Variants in DCC observed in about 807,000 individuals in gnomAD.
DCC encodes DCC netrin 1 receptor.
DCC carries 58 observed loss-of-function variants against 172.5 expected under a neutral mutation model. That is an observed-to-expected ratio of 0.34 (90% CI 0.27 to 0.42). The LOEUF (loss-of-function observed/expected upper bound fraction) is 0.42. Ranked by LOEUF, DCC falls within the 10% of genes least tolerant of loss-of-function variation. The probability of loss-of-function intolerance (pLI) is 1.00; values close to 1 mark genes in which losing one functional copy is unlikely to be tolerated. For synonymous variants in DCC, 709 were observed against 644.5 expected (o/e 1.10, Z -1.52); for missense variants, 1,740 against 1,791.0 (o/e 0.97, Z 0.51).
chr18:53,195,428 G>T (rs377664088), intron 9 of DCC, among the ~76,000 whole-genome samples: 323 of 152,236 alleles, frequency 2.1e-3, no homozygotes, highest in African/African-American at 7.5e-3. Flanking sequence ...TATTTGATTT[G>T]TTGATGGTGG....
chr18:53,099,229 C>A (rs1321934304), intron 7 of DCC, among the ~76,000 whole-genome samples: 1 of 152,064 alleles, frequency 6.6e-6, no homozygotes. Context: ...AGAACATTTT[C>A]TTCCCCCTAT....
intron 2 of DCC, among the ~76,000 whole-genome samples, chr18:52,774,097 G>GT (rs1568094299): frequency 6.6e-6 from 1 of 152,232 alleles, no homozygotes; most frequent in African/African-American, 2.4e-5. Flanking sequence ...AAACTGTGGC[G>GT]TGGAGCCATG....
At chr18:52,457,403 A>C (rs77518039) in intron 1 of DCC, among the ~76,000 whole-genome samples, 38 of 152,322 alleles carry the variant, frequency 2.5e-4, no homozygotes, top group African/African-American at 8.9e-4. Context: ...AATATTTTTC[A>C]TGTATCAAAT....
chr18:52,830,088 TAACA>T (rs2038586374), intron 2 of DCC, among the ~76,000 whole-genome samples: 1 of 151,912 alleles, frequency 6.6e-6, no homozygotes, highest in African/African-American at 2.4e-5. Flanking sequence ...GTCTGAGAAA[TAACA>T]AATAGACCAG....
At chr18:53,481,968 T>C (rs143084348) in intron 25 of DCC, among the ~76,000 whole-genome samples, 1 of 152,246 alleles carries the variant, frequency 6.6e-6, no homozygotes, top group East Asian at 1.9e-4. Flanking sequence ...CAGAGATTTA[T>C]TGAAAATGCT....
chr18:52,492,061 G>A (rs911478009), intron 1 of DCC, among the ~76,000 whole-genome samples: 3 of 151,988 alleles, frequency 2.0e-5, no homozygotes, highest in African/African-American at 7.2e-5. Flanking sequence ...TGAAGACCAG[G>A]AAAGAACCGT....
chr18:53,201,396 G>T lies in DCC; in HGVS notation c.1574-3820G>T, dbSNP rs1302883077. 2.0e-5 allele frequency among the ~76,000 whole-genome samples: 3 copies of T among 152,126 alleles called. No individual in the cohort carries two copies. In the East Asian group the frequency reaches 5.8e-4, roughly 29 times the overall value. On this transcript the variant is annotated intron_variant, in intron 9 of 28. Transcript: ENST00000442544. ...TGGGCCACATGTTTATGCACTGTCT[G>T]CACCATATCACAATTCTGGATCCCT...
At chr18:53,473,573 T>C (rs2045724865) in intron 25 of DCC, among the ~76,000 whole-genome samples, 1 of 152,194 alleles carries the variant, frequency 6.6e-6, no homozygotes, top group African/African-American at 2.4e-5. Context: ...ATGAAAATGT[T>C]TAATATTATT....
intron 9 of DCC, among the ~76,000 whole-genome samples, chr18:53,183,762 C>T (rs2055235646): frequency 6.6e-6 from 1 of 152,022 alleles, no homozygotes; most frequent in African/African-American, 2.4e-5. Flanking sequence ...TTTCCTCCTT[C>T]ATGAGATTTT....
In DCC at chr18:53,428,374, TATA is replaced by T. The variant is rs1389034446; in HGVS notation, c.3164-6766_3164-6764del. ...ATATATGTTGTATATAATATAATAT[TATA>T]ATATATTGTATATAATATAATATAA... is the stretch of plus-strand genomic sequence containing the variant. On this transcript the variant is annotated intron_variant, in intron 21 of 28. Transcript: ENST00000442544. Among the ~76,000 whole-genome samples the T allele has an allele frequency of 2.4e-4, 12 of 50,292 alleles. 3 individuals carry two copies. The highest frequency in any genetic ancestry group is 3.1e-4 in the African/African-American group (5 of 16,366). The allele number at this position is 50,292 out of a possible 152,430, so 33.0% of individuals were successfully genotyped here. A position where few individuals can be genotyped will look rare whatever the true frequency, so the allele number is the denominator to read the frequency against.
At chr18:52,977,496 C>T (rs2041137125) in intron 5 of DCC, among the ~76,000 whole-genome samples, 2 of 152,050 alleles carry the variant, frequency 1.3e-5, no homozygotes, top group African/African-American at 2.4e-5. Flanking sequence ...TGGTTTTCTG[C>T]CCAGATGTAA....
intron 1 of DCC, among the ~76,000 whole-genome samples, chr18:52,548,737 A>C (rs1474300439): frequency 6.6e-6 from 1 of 152,122 alleles, no homozygotes; most frequent in African/African-American, 2.4e-5. Flanking sequence ...TTCAGCAAAA[A>C]TGTTTACATT....
chr18:53,340,472 A>G (rs1310807862), intron 15 of DCC, among the ~76,000 whole-genome samples: 1 of 152,162 alleles, frequency 6.6e-6, no homozygotes, highest in African/African-American at 2.4e-5. Flanking sequence ...TAGAATGATA[A>G]AACTCCATCC....
intron 13 of DCC, among the ~76,000 whole-genome samples, chr18:53,310,143 A>G (rs1459586997): frequency 1.3e-5 from 2 of 151,978 alleles, no homozygotes; most frequent in Admixed American, 6.6e-5. Flanking sequence ...ATGGGAATAT[A>G]TGTCTTCAAT....
At position 52,486,693 on chromosome 18, in the gene DCC, A is replaced by G. The variant is rs530704050; in HGVS notation, c.91+145815A>G. 1.3e-3 allele frequency among the ~76,000 whole-genome samples: 194 copies of G among 152,260 alleles called. 1 individual carries two copies. Among genetic ancestry groups the G allele is most frequent in the Middle Eastern group, 6.8e-3 (2 of 294 alleles). ...TCGTAAAGATAGAATACGAACCACA[A>G]ATCTGCGAGTCTTATATCTGTTAAT... is the stretch of plus-strand genomic sequence containing the variant. On this transcript the variant is annotated intron_variant, in intron 1 of 28. Transcript: ENST00000442544.
intron 1 of DCC, among the ~76,000 whole-genome samples, chr18:52,731,966 G>A (rs1332475134): frequency 6.6e-6 from 1 of 152,070 alleles, no homozygotes; most frequent in African/African-American, 2.4e-5. Flanking sequence ...AATTACTAGA[G>A]CCTAAATCTT....
chr18:52,502,133 C>T (rs2031044728), intron 1 of DCC, among the ~76,000 whole-genome samples: 2 of 152,124 alleles, frequency 1.3e-5, no homozygotes, highest in South Asian at 4.1e-4. Flanking sequence ...TGAATTTGTA[C>T]TTCATATTGT....
intron 2 of DCC, among the ~76,000 whole-genome samples, chr18:52,822,163 C>T (rs183615488): frequency 2.2e-4 from 34 of 152,208 alleles, no homozygotes; most frequent in Admixed American, 9.2e-4. Flanking sequence ...AATCTGGATC[C>T]GTATCCCATG....
chr18:52,394,411 G>T (rs1422684013), intron 1 of DCC, among the ~76,000 whole-genome samples: 1 of 151,782 alleles, frequency 6.6e-6, no homozygotes, highest in African/African-American at 2.4e-5. Context: ...GACCACACGT[G>T]TGCTCTACCA....
Sources: gnomAD v4.1 joint callset for allele counts (sites outside exome capture counted in the v4.1 genomes callset) on GRCh38, gnomAD v4.1.1 for gene constraint, MANE v1.5 for transcripts, NCBI Gene and HGNC (gene_info 2026-07-23, HGNC 2026-07-21) for gene names.